NFE2L3: variants seen among roughly 807,000 people sequenced by gnomAD.
The protein encoded by NFE2L3 is nuclear factor erythroid 2-related factor 3.
NFE2L3 carries 18 observed loss-of-function variants against 23.5 expected under a neutral mutation model. The ratio of observed to expected loss-of-function variants is 0.77; its 90% CI spans 0.53 to 1.13. The LOEUF (loss-of-function observed/expected upper bound fraction) is 1.13, where lower values mean the gene tolerates loss of function less well. NFE2L3 is among the 50% of genes most tolerant of loss of function. NFE2L3 has a pLI of 0.00. For synonymous variants in NFE2L3, 424 were observed against 354.5 expected, an observed-to-expected ratio of 1.20 and a Z score of -2.20; for missense variants, 1,152 against 877.2, an observed-to-expected ratio of 1.31 and a Z score of -3.96.
At position 26,186,620 on chromosome 7, in the gene NFE2L3, A is replaced by C; in HGVS notation, c.*837A>C. On this transcript the variant is annotated 3_prime_UTR_variant, in exon 4 of 4. Transcript: ENST00000056233. ...AACGTAACTCCTTGTGTGTATATTAAATCCATAAAATCTCTGGCAGTAAAG... is the reference window on the plus strand; with the variant it reads ...AACGTAACTCCTTGTGTGTATATTACATCCATAAAATCTCTGGCAGTAAAG... 1 of 152,226 alleles carries C rather than the reference A, an allele frequency of 6.6e-6. No individual in the cohort carries two copies. Among genetic ancestry groups the C allele is most frequent in the East Asian group, 1.9e-4 (1 of 5,204 alleles). 9.4% of individuals were successfully genotyped at this position (152,226 alleles called of 1,614,324 possible).
At chr7:26,160,637 C>T (rs755551124) in intron 1 of NFE2L3, among the ~76,000 whole-genome samples, 1 of 152,192 alleles carries the variant, frequency 6.6e-6, no homozygotes, top group African/African-American at 2.4e-5. Flanking sequence ...TCAAGGAAAC[C>T]TCAGTTTTGC....
chr7:26,154,856 G>C (rs375341747), intron 1 of NFE2L3, among the ~76,000 whole-genome samples: 1 of 152,206 alleles, frequency 6.6e-6, no homozygotes, highest in Non-Finnish European at 1.5e-5. Flanking sequence ...TGGCAGGCCT[G>C]CCTTGGAGGC....
chr7:26,180,486 C>T (rs1784487947), intron 2 of NFE2L3, among the ~76,000 whole-genome samples: 1 of 152,170 alleles, frequency 6.6e-6, no homozygotes, highest in Admixed American at 6.5e-5. Context: ...AAATCATTAC[C>T]CATGGACTTT....
intron 1 of NFE2L3, among the ~76,000 whole-genome samples, chr7:26,153,388 A>C (rs1386382885): frequency 1.3e-5 from 2 of 152,188 alleles, no homozygotes; most frequent in Non-Finnish European, 2.9e-5. Context: ...GTCTTCGCTC[A>C]GTACCTCATG....
intron 1 of NFE2L3, chr7:26,174,266 T>C (rs1294353522): frequency 6.6e-6 from 1 of 152,264 alleles, no homozygotes; most frequent in Non-Finnish European, 1.5e-5. Context: ...CAAATTTTGC[T>C]GATGGGTGAA....
intron 1 of NFE2L3, among the ~76,000 whole-genome samples, chr7:26,155,775 A>G (rs1413922817): frequency 6.6e-6 from 1 of 152,220 alleles, no homozygotes; most frequent in Non-Finnish European, 1.5e-5. Context: ...GCGGTCAGCT[A>G]GACCTGGGTT....
In NFE2L3 at chr7:26,167,628, T is replaced by C. The variant is rs190857008; in HGVS notation, c.571-10315T>C. Among the ~76,000 whole-genome samples, 9 of 152,226 alleles carry C rather than the reference T, an allele frequency of 5.9e-5. No individual in the cohort carries two copies. In the East Asian group the frequency reaches 1.7e-3, roughly 29 times the overall value. On this transcript the variant is annotated intron_variant, in intron 1 of 3. Coordinates refer to ENST00000056233, the MANE Select transcript of NFE2L3 (RefSeq NM_004289.7). ...GGGTTTAACTTGTCTATTCTTTAAA[T>C]AAAGAGCATGAACTATAAACCTCAA...
intron 2 of NFE2L3, 134 bp downstream of exon 2, chr7:26,178,256 C>T: frequency 1.4e-6 from 1 of 696,036 alleles, no homozygotes; most frequent in South Asian, 2.1e-5. Flanking sequence ...ATGAAAATAC[C>T]TATGTCTTTA....
At chr7:26,176,398 C>A (rs1039116874) in intron 1 of NFE2L3, among the ~76,000 whole-genome samples, 1 of 152,242 alleles carries the variant, frequency 6.6e-6, no homozygotes, top group East Asian at 1.9e-4. Context: ...GGTACACCTG[C>A]AGAAAGGCTG....
chr7:26,158,997 C>T (rs1288151112), intron 1 of NFE2L3, among the ~76,000 whole-genome samples: 1 of 152,272 alleles, frequency 6.6e-6, no homozygotes, highest in Non-Finnish European at 1.5e-5. Context: ...GGGCTTGTAC[C>T]GCTTCTTCCC....
At chr7:26,178,196 C>G in intron 2 of NFE2L3, 74 bp downstream of exon 2, 1 of 1,280,946 alleles carries the variant, frequency 7.8e-7, no homozygotes. Flanking sequence ...CAGTTTGTGT[C>G]AAGAATGAGC....
chr7:26,160,663 A>G (rs1440363631), intron 1 of NFE2L3, among the ~76,000 whole-genome samples: 1 of 152,242 alleles, frequency 6.6e-6, no homozygotes, highest in South Asian at 2.1e-4. Context: ...AAGCTCTCCA[A>G]TTAATTGGAT....
At chr7:26,155,014 G>C (rs1784060416) in intron 1 of NFE2L3, among the ~76,000 whole-genome samples, 1 of 152,204 alleles carries the variant, frequency 6.6e-6, no homozygotes, top group Non-Finnish European at 1.5e-5. Context: ...CTGCTGGGAT[G>C]ACCTGGTTAC....
rs1318015760 is a variant in NFE2L3 at position 26,153,084 on chromosome 7, G to C, written c.570+16G>C. ...TGCGAGCGAGGTAGGTGCAGAGCGG[G>C]AAGCGAGCGAAGTGCGGCGTCTACG... On this transcript the variant is annotated intron_variant, in intron 1 of 3. Coordinates refer to ENST00000056233, the MANE Select transcript of NFE2L3 (RefSeq NM_004289.7). 4.6e-6 allele frequency: 7 copies of C among 1,512,336 alleles called. No individual in the cohort carries two copies. Among genetic ancestry groups the C allele is most frequent in the Admixed American group, 2.1e-5 (1 of 47,104 alleles). 93.7% of individuals were successfully genotyped at this position (1,512,336 alleles called of 1,614,324 possible). A position where few individuals can be genotyped will look rare whatever the true frequency, so the allele number is the denominator to read the frequency against.
rs1383477705 is a variant in NFE2L3 at position 26,176,970 on chromosome 7, CCGGG to C, written c.571-971_571-968del. On this transcript the variant is annotated intron_variant, in intron 1 of 3. Transcript: ENST00000056233. The stretch of plus-strand genomic sequence containing the variant: ...CCTCACTTCCTAGACGGGGTGGCAG[CCGGG>C]CAGAGGCGCTCCTCACATCCCAGAC... Among the ~76,000 whole-genome samples, 285 of 61,044 alleles carry C rather than the reference CCGGG, an allele frequency of 4.7e-3. 89 individuals are homozygous for C. Among genetic ancestry groups the C allele is most frequent in the Middle Eastern group, 0.039 (5 of 128 alleles). 40.0% of individuals were successfully genotyped at this position (61,044 alleles called of 152,430 possible). A position where few individuals can be genotyped will look rare whatever the true frequency, so the allele number is the denominator to read the frequency against.
rs2128100990 is a variant in NFE2L3, at chr7:26,185,809, A to ATG, written c.*29_*30dup. ...GAAGAAACTGAAGATGGACTCTATT[A>ATG]TGTGAAGTAGTAATGTTCAGAAACT... On this transcript the variant is annotated 3_prime_UTR_variant, in exon 4 of 4. Transcript: ENST00000056233. The ATG allele has an allele frequency of 6.5e-7, 1 of 1,547,562 alleles. No individual in the cohort carries two copies. The highest frequency in any genetic ancestry group is 2.3e-5 in the East Asian group (1 of 44,198).
intron 1 of NFE2L3, among the ~76,000 whole-genome samples, chr7:26,164,203 C>G (rs977638187): frequency 6.6e-6 from 1 of 152,210 alleles, no homozygotes; most frequent in African/African-American, 2.4e-5. Context: ...AATGGCATTT[C>G]TAGTTCTAGA....
At chr7:26,169,192 T>C (rs539109578) in intron 1 of NFE2L3, among the ~76,000 whole-genome samples, 25 of 152,354 alleles carry the variant, frequency 1.6e-4, no homozygotes, top group Non-Finnish European at 2.5e-4. Flanking sequence ...TCCCTCTCTC[T>C]CCCTCAAGGT....
chr7:26,179,944 C>T (rs1784477609), intron 2 of NFE2L3, among the ~76,000 whole-genome samples: 1 of 152,124 alleles, frequency 6.6e-6, no homozygotes, highest in Non-Finnish European at 1.5e-5. Context: ...GAGTCTTCCT[C>T]TTGACAGGGG....
Sources: gnomAD v4.1 joint callset for allele counts (sites outside exome capture counted in the v4.1 genomes callset) on GRCh38, gnomAD v4.1.1 for gene constraint, MANE v1.5 for transcripts, NCBI Gene and HGNC (gene_info 2026-07-23, HGNC 2026-07-21) for gene names.